Variants in THSD7A observed in about 807,000 individuals in gnomAD.
The protein encoded by THSD7A is thrombospondin type 1 domain containing 7A, also known as thrombospondin type-1 domain-containing protein 7A.
Under a neutral mutation model 231.3 loss-of-function variants are expected in THSD7A, and 96 were observed. The ratio of observed to expected loss-of-function variants is 0.41; its 90% confidence interval spans 0.35 to 0.49. The LOEUF is 0.49. Ranked by LOEUF, THSD7A falls within the 20% of genes least tolerant of loss-of-function variation. The pLI, the probability that THSD7A is intolerant of heterozygous loss-of-function variation, is 0.05. For synonymous variants in THSD7A, 940 were observed against 743.3 expected (o/e 1.26, Z -4.30); for missense variants, 2,290 against 2,070.2 (o/e 1.11, Z -2.06).
rs1403844556 is a variant in THSD7A, at chr7:11,609,501, GA to G, written c.1023-16000del. On this transcript the variant is annotated intron_variant, in intron 2 of 27. Transcript: ENST00000423059. ...ACAGAGGATTACTGAGGCTGACAAA[GA>G]GTAGTGAACTGGTTTATTTCAGATA... Among the ~76,000 whole-genome samples the G allele has an allele frequency of 3.9e-5, 6 of 152,218 alleles. No individual in the cohort carries two copies. The East Asian group carries it at 7.7e-4, about 20-fold the overall frequency.
chr7:11,429,611 CCTT>C (rs1005208783), intron 13 of THSD7A, among the ~76,000 whole-genome samples: 5 of 152,220 alleles, frequency 3.3e-5, no homozygotes, highest in South Asian at 4.1e-4. Context: ...TTGCGTTTCT[CCTT>C]CTTTGAAAAT....
intron 6 of THSD7A, among the ~76,000 whole-genome samples, chr7:11,513,188 GACA>G (rs1787891164): frequency 1.3e-5 from 2 of 151,534 alleles, no homozygotes; most frequent in South Asian, 4.2e-4. Flanking sequence ...AGGGATAAAA[GACA>G]ACAAATGTGG....
intron 1 of THSD7A, among the ~76,000 whole-genome samples, chr7:11,768,888 C>A (rs1204221922): frequency 6.6e-6 from 1 of 151,344 alleles, no homozygotes; most frequent in African/African-American, 2.4e-5. Flanking sequence ...CCAAGCATGC[C>A]ACTCCTTTAT....
chr7:11,544,327 C>T (rs1040520352), intron 4 of THSD7A, among the ~76,000 whole-genome samples: 5 of 151,646 alleles, frequency 3.3e-5, no homozygotes, highest in Non-Finnish European at 5.9e-5. Context: ...GGCAACAGAG[C>T]GAGACACAGT....
chr7:11,389,418 C>T (rs1743672649), intron 23 of THSD7A, among the ~76,000 whole-genome samples: 1 of 91,306 alleles, frequency 1.1e-5, no homozygotes, highest in South Asian at 4.0e-4. Context: ...ATTGCAACTC[C>T]TGCTTTTTTT....
At chr7:11,479,392 CTT>C (rs946815252) in intron 7 of THSD7A, among the ~76,000 whole-genome samples, 47 of 152,252 alleles carry the variant, frequency 3.1e-4, no homozygotes, top group African/African-American at 1.1e-3. Flanking sequence ...CATATAATTT[CTT>C]GTTTAAACAC....
chr7:11,696,658 A>G (rs1356920446), intron 1 of THSD7A, among the ~76,000 whole-genome samples: 2 of 151,268 alleles, frequency 1.3e-5, no homozygotes, highest in Non-Finnish European at 3.0e-5. Context: ...AGAGAGAATA[A>G]AATACCTAGA....
chr7:11,801,374 G>A (rs1328577181), intron 1 of THSD7A, among the ~76,000 whole-genome samples: 1 of 151,834 alleles, frequency 6.6e-6, no homozygotes, highest in African/African-American at 2.4e-5. Context: ...ACCAAAGTAA[G>A]TCTTTTACAT....
intron 1 of THSD7A, among the ~76,000 whole-genome samples, chr7:11,775,264 C>G (rs899591956): frequency 2.0e-5 from 3 of 152,066 alleles, no homozygotes; most frequent in Non-Finnish European, 4.4e-5. Flanking sequence ...TAAAATGGAG[C>G]AGCCTCTATG....
intron 1 of THSD7A, among the ~76,000 whole-genome samples, chr7:11,688,275 A>C (rs1233970524): frequency 6.6e-6 from 1 of 151,832 alleles, no homozygotes; most frequent in Non-Finnish European, 1.5e-5. Context: ...CATGGTGTAT[A>C]TATGTGCCAC....
At chr7:11,798,762 G>T (rs554053458) in intron 1 of THSD7A, among the ~76,000 whole-genome samples, 4 of 152,118 alleles carry the variant, frequency 2.6e-5, no homozygotes, top group African/African-American at 9.6e-5. Flanking sequence ...AATCAAAAAT[G>T]ACACCATGCA....
intron 1 of THSD7A, among the ~76,000 whole-genome samples, chr7:11,664,138 C>T (rs1158339763): frequency 6.6e-6 from 1 of 151,760 alleles, no homozygotes; most frequent in East Asian, 2.0e-4. Context: ...CCCTGCCACC[C>T]ACATCCTTTT....
At chr7:11,782,423 G>GAC (rs1394491385) in intron 1 of THSD7A, among the ~76,000 whole-genome samples, 6 of 152,022 alleles carry the variant, frequency 3.9e-5, no homozygotes, top group African/African-American at 1.2e-4. Flanking sequence ...ATACACACAT[G>GAC]ACACACACAC....
intron 1 of THSD7A, among the ~76,000 whole-genome samples, chr7:11,723,584 C>T (rs1781437507): frequency 6.6e-6 from 1 of 151,744 alleles, no homozygotes; most frequent in East Asian, 2.0e-4. Context: ...TCAAAATGTT[C>T]ATATTATGTA....
intron 2 of THSD7A, among the ~76,000 whole-genome samples, chr7:11,595,368 G>A (rs1185843259): frequency 1.3e-5 from 2 of 152,140 alleles, no homozygotes; most frequent in African/African-American, 4.8e-5. Context: ...AATGGTGGAA[G>A]GAAGATAGAG....
intron 1 of THSD7A, among the ~76,000 whole-genome samples, chr7:11,697,475 T>C (rs1780437994): frequency 6.6e-6 from 1 of 151,382 alleles, no homozygotes; most frequent in Admixed American, 6.6e-5. Flanking sequence ...TGCTACATAG[T>C]ATTTTGTATG....
chr7:11,539,194 G>C (rs1388294004), intron 6 of THSD7A, among the ~76,000 whole-genome samples: 2 of 152,040 alleles, frequency 1.3e-5, no homozygotes, highest in East Asian at 1.9e-4. Flanking sequence ...TGATAATATG[G>C]GAGCAGTAGT....
chr7:11,556,818 T>C (rs1056770074), intron 4 of THSD7A, among the ~76,000 whole-genome samples: 11 of 152,122 alleles, frequency 7.2e-5, no homozygotes, highest in Non-Finnish European at 1.0e-4. Context: ...ATATGGTTTC[T>C]GGTTCACTGT....
intron 7 of THSD7A, among the ~76,000 whole-genome samples, chr7:11,477,582 G>T (rs1386268215): frequency 1.3e-5 from 2 of 151,910 alleles, no homozygotes; most frequent in African/African-American, 4.8e-5. Flanking sequence ...CTATTTAATG[G>T]TCTGTTGGTA....
Sources: allele counts gnomAD v4.1 joint callset (sites outside exome capture counted in the v4.1 genomes callset), GRCh38; gene constraint gnomAD v4.1.1; transcripts MANE v1.5; gene names NCBI Gene and HGNC (gene_info 2026-07-23, HGNC 2026-07-21).